MACROD2: variants seen among roughly 807,000 people sequenced by gnomAD.
The protein encoded by MACROD2 is mono-ADP ribosylhydrolase 2.
Under a neutral mutation model 70.4 loss-of-function variants are expected in MACROD2, and 36 were observed. The observed-to-expected ratio is 0.51, with a 90% CI of 0.39 to 0.68. The LOEUF is 0.68. Ranked by LOEUF, MACROD2 falls within the 30% of genes least tolerant of loss-of-function variation. The pLI, the probability that MACROD2 is intolerant of heterozygous loss-of-function variation, is 0.00. For missense variants in MACROD2, 496 were observed against 538.4 expected (o/e 0.92, Z 0.78); for synonymous variants, 172 against 178.8 (o/e 0.96, Z 0.30).
In MACROD2 at chr20:15,904,120, C is replaced by T. The variant is rs141043306; in HGVS notation, c.775+18309C>T. On this transcript the variant is annotated intron_variant, in intron 10 of 17. Transcript: ENST00000684519. ...GTCCATCATGTCTTCTTGCTCTCCT[C>T]ACCCCGGGAAGGCCATAGTAGCGCA... 3.9e-5 allele frequency among the ~76,000 whole-genome samples: 6 copies of T among 152,336 alleles called. No homozygotes were observed. In the East Asian group the frequency reaches 9.7e-4, roughly 25 times the overall value.
chr20:15,160,692 A>C (rs2076342358), intron 5 of MACROD2, among the ~76,000 whole-genome samples: 1 of 152,138 alleles, frequency 6.6e-6, no homozygotes, highest in Admixed American at 6.6e-5. Context: ...AGAAAATATC[A>C]GTAGAAAAAC....
At chr20:14,479,559 C>T (rs1420214726) in intron 3 of MACROD2, among the ~76,000 whole-genome samples, 1 of 152,140 alleles carries the variant, frequency 6.6e-6, no homozygotes, top group East Asian at 1.9e-4. Context: ...TCCTCCAGAC[C>T]TGGGTTCTCT....
intron 5 of MACROD2, among the ~76,000 whole-genome samples, chr20:14,789,308 G>A (rs2072417683): frequency 6.6e-6 from 1 of 151,664 alleles, no homozygotes; most frequent in African/African-American, 2.4e-5. Context: ...GTTTTCATTA[G>A]TTAGATATGT....
At chr20:15,838,907 A>G (rs2064142296) in intron 8 of MACROD2, among the ~76,000 whole-genome samples, 1 of 144,072 alleles carries the variant, frequency 6.9e-6, no homozygotes, top group South Asian at 2.1e-4. Flanking sequence ...AAGAGGTACA[A>G]TGGAAAGCCC....
chr20:14,708,233 AT>A (rs2071293416), intron 5 of MACROD2, among the ~76,000 whole-genome samples: 1 of 152,202 alleles, frequency 6.6e-6, no homozygotes, highest in African/African-American at 2.4e-5. Context: ...ATAACCTCTT[AT>A]TATAATATAC....
At chr20:14,008,284 C>A (rs565166077) in intron 2 of MACROD2, among the ~76,000 whole-genome samples, 1 of 152,146 alleles carries the variant, frequency 6.6e-6, no homozygotes, top group African/African-American at 2.4e-5. Context: ...TCTCAGGATA[C>A]AAAATAAATG....
chr20:14,799,983 A>G (rs1012788390), intron 5 of MACROD2, among the ~76,000 whole-genome samples: 2 of 152,050 alleles, frequency 1.3e-5, no homozygotes, highest in South Asian at 2.1e-4. Flanking sequence ...GTGACTAAAT[A>G]AAAGATTAGA....
At chr20:15,590,716 C>T (rs1319103193) in intron 8 of MACROD2, among the ~76,000 whole-genome samples, 1 of 151,994 alleles carries the variant, frequency 6.6e-6, no homozygotes, top group Non-Finnish European at 1.5e-5. Context: ...AAACCTATCT[C>T]TACAATACAA....
intron 3 of MACROD2, among the ~76,000 whole-genome samples, chr20:14,349,372 CT>C (rs138952624): frequency 0.02 from 3,093 of 150,920 alleles, 101 homozygotes; most frequent in African/African-American, 0.072. Context: ...GTACCCATCC[CT>C]TCAAGCATTT....
intron 5 of MACROD2, among the ~76,000 whole-genome samples, chr20:15,090,919 G>A (rs749175950): frequency 2.0e-5 from 3 of 151,972 alleles, no homozygotes; most frequent in Non-Finnish European, 2.9e-5. Context: ...CTGCCATCAT[G>A]TTCATTACTT....
At chr20:15,231,631 CT>C (rs1337457432) in intron 6 of MACROD2, among the ~76,000 whole-genome samples, 3 of 152,024 alleles carry the variant, frequency 2.0e-5, no homozygotes, top group Non-Finnish European at 4.4e-5. Flanking sequence ...AACATTCAAC[CT>C]TTTAATAGAG....
At chr20:14,780,992 T>G (rs2072293566) in intron 5 of MACROD2, among the ~76,000 whole-genome samples, 1 of 152,160 alleles carries the variant, frequency 6.6e-6, no homozygotes, top group South Asian at 2.1e-4. Context: ...TGTGGAATGA[T>G]CAAATCACAG....
chr20:14,701,267 G>A (rs2071193183), intron 5 of MACROD2, among the ~76,000 whole-genome samples: 1 of 152,082 alleles, frequency 6.6e-6, no homozygotes, highest in South Asian at 2.1e-4. Flanking sequence ...GTGACATTCT[G>A]GGATTATAAA....
In MACROD2 at chr20:14,278,872, TTAAG is replaced by T. The variant is rs528311132; in HGVS notation, c.271+193149_271+193152del. On this transcript the variant is annotated intron_variant, in intron 3 of 17. Transcript: ENST00000684519. ...TTAAATACTAATTTAAATGAGTTAC[TTAAG>T]TAAGAGTTACATATTGTTTTAAATA... is the stretch of plus-strand genomic sequence containing the variant. Among the ~76,000 whole-genome samples, 134 of 25,786 alleles carry T rather than the reference TTAAG, an allele frequency of 5.2e-3. 4 individuals are homozygous for T. The South Asian group carries it at 0.11, about 22-fold the overall frequency. 16.9% of individuals were successfully genotyped at this position (25,786 alleles called of 152,430 possible).
intron 3 of MACROD2, among the ~76,000 whole-genome samples, chr20:14,282,806 G>C (rs1435220775): frequency 6.6e-6 from 1 of 152,108 alleles, no homozygotes; most frequent in Non-Finnish European, 1.5e-5. Flanking sequence ...TAAATGACCA[G>C]ATCACGTGAG....
rs531809147 is a variant in MACROD2, at chr20:15,480,536, C to A, written c.572-19238C>A. ...CCCTTGTTCACTGCCTACTCCTCCT[C>A]TGCCCCCCTTCTCCACTGCCTTCTC... On this transcript the variant is annotated intron_variant, in intron 7 of 17. Transcript: ENST00000684519. Among the ~76,000 whole-genome samples, 4 of 152,312 alleles carry A rather than the reference C, an allele frequency of 2.6e-5. No individual in the cohort carries two copies. In the East Asian group the frequency reaches 7.7e-4, roughly 29 times the overall value.
At chr20:15,810,859 G>A (rs1414208526) in intron 8 of MACROD2, among the ~76,000 whole-genome samples, 1 of 151,468 alleles carries the variant, frequency 6.6e-6, no homozygotes, top group Non-Finnish European at 1.5e-5. Context: ...TTTAATAAAT[G>A]GTGCTGGGAA....
chr20:15,586,299 G>C (rs779231850), intron 8 of MACROD2, among the ~76,000 whole-genome samples: 1 of 152,106 alleles, frequency 6.6e-6, no homozygotes, highest in Non-Finnish European at 1.5e-5. Context: ...ATTTCTAGTG[G>C]GTTCCCAAGT....
At chr20:16,016,617 C>T (rs1355431109) in intron 15 of MACROD2, among the ~76,000 whole-genome samples, 1 of 152,150 alleles carries the variant, frequency 6.6e-6, no homozygotes, top group East Asian at 1.9e-4. Flanking sequence ...CTAACTGCAA[C>T]CTCTGCCTCC....
Sources: allele counts gnomAD v4.1 joint callset (sites outside exome capture counted in the v4.1 genomes callset), GRCh38; gene constraint gnomAD v4.1.1; transcripts MANE v1.5; gene names NCBI Gene and HGNC (gene_info 2026-07-23, HGNC 2026-07-21).